SACS: variants seen among roughly 807,000 people sequenced by gnomAD.
SACS encodes the protein sacsin molecular chaperone, also known as sacsin.
Under a neutral mutation model 348.0 loss-of-function variants are expected in SACS, and 197 were observed. The ratio of observed to expected loss-of-function variants is 0.57; its 90% confidence interval spans 0.50 to 0.64. The LOEUF is 0.64. Among genes scored for constraint, SACS ranks in the 30% least tolerant of loss-of-function variants. SACS has a pLI of 0.00. For synonymous variants in SACS, 1,985 were observed against 1,910.6 expected (o/e 1.04, Z -1.02); for missense variants, 4,999 against 5,360.8 (o/e 0.93, Z 2.11).
At position 23,338,593 on chromosome 13, in the gene SACS, C is replaced by A. The variant is rs1432581348; in HGVS notation, c.5283G>T (p.Gln1761His). The change falls in exon 10 of 10, where the codon CAG (glutamine) becomes CAT (histidine). Residue 1761 changes from glutamine to histidine, a missense_variant. Gln to His is a conservative substitution (Grantham distance 24). Coordinates refer to ENST00000382292, the MANE Select transcript of SACS (RefSeq NM_014363.6). ...SDEPKSSCIL[Q>H]ITVEEFHHVF... Reference sequence around the variant, plus strand: ...CATGGTGAAATTCTTCCACTGTGATCTGAAGAATGCAAGATGACTTTGGTT... The same window carrying A: ...CATGGTGAAATTCTTCCACTGTGATATGAAGAATGCAAGATGACTTTGGTT... 1 of 1,613,990 alleles carries A rather than the reference C, an allele frequency of 6.2e-7. No individual in the cohort carries two copies. Among genetic ancestry groups the A allele is most frequent in the Non-Finnish European group, 8.5e-7 (1 of 1,180,006 alleles).
chr13:23,398,534 CAAA>C (rs59868515), intron 2 of SACS, among the ~76,000 whole-genome samples: 8 of 102,216 alleles, frequency 7.8e-5, no homozygotes, highest in Admixed American at 2.1e-4. Flanking sequence ...AACTCCGTCT[CAAA>C]AAAAAAAAAA....
At chr13:23,367,929 T>C (rs1871160539) in intron 5 of SACS, among the ~76,000 whole-genome samples, 1 of 152,206 alleles carries the variant, frequency 6.6e-6, no homozygotes, top group Non-Finnish European at 1.5e-5. Flanking sequence ...TAAAAAAACA[T>C]ATTACAAAAA....
At chr13:23,374,970 A>T in intron 3 of SACS, 149 bp downstream of exon 3, 1 of 714,056 alleles carries the variant, frequency 1.4e-6, no homozygotes, top group Non-Finnish European at 2.0e-6. Context: ...AAGTGATGAA[A>T]AGCCACAACT....
chr13:23,345,517 T>TA (rs1281701969), intron 9 of SACS, among the ~76,000 whole-genome samples: 13 of 152,172 alleles, frequency 8.5e-5, no homozygotes, highest in Non-Finnish European at 1.9e-4. Flanking sequence ...GCTTTCGTCT[T>TA]AAGAGAATCG....
Position 23,411,625 on chromosome 13 carries a change from C to A in SACS, c.-386G>T. On this transcript the variant is annotated 5_prime_UTR_variant, in exon 2 of 10. Transcript: ENST00000382292. ...TTGAAGGTTCTTGGGGAAAACGTCG[C>A]AGAAATTCTTGGATTTTGTTTCTCA... is the stretch of plus-strand genomic sequence containing the variant. 1 of 195,564 alleles carries A rather than the reference C, an allele frequency of 5.1e-6. No individual in the cohort carries two copies. The highest frequency in any genetic ancestry group is 1.0e-5 in the Non-Finnish European group (1 of 98,186). The allele number at this position is 195,564 out of a possible 1,614,324, so 12.1% of individuals were successfully genotyped here.
chr13:23,418,388 T>G (rs1324851889), intron 1 of SACS, among the ~76,000 whole-genome samples: 2 of 152,228 alleles, frequency 1.3e-5, no homozygotes, highest in African/African-American at 4.8e-5. Flanking sequence ...GAAGTGCTTT[T>G]TGTTCCTTAA....
At chr13:23,389,513 C>T (rs79103936) in intron 2 of SACS, among the ~76,000 whole-genome samples, 3,162 of 152,274 alleles carry the variant, frequency 0.021, 44 homozygotes, top group Non-Finnish European at 0.033. Flanking sequence ...TTTACATCCA[C>T]GTTACTAATT....
At chr13:23,433,486 T>C (rs1410453837) in intron 1 of SACS, 129 bp downstream of exon 1, 1 of 152,504 alleles carries the variant, frequency 6.6e-6, no homozygotes, top group Non-Finnish European at 1.5e-5. Context: ...CCCAAGCAGC[T>C]GCAGTGGCCG....
chr13:23,347,664 T>A (rs1869693916), intron 9 of SACS, among the ~76,000 whole-genome samples: 1 of 152,094 alleles, frequency 6.6e-6, no homozygotes. Flanking sequence ...AGAAGGCAAG[T>A]ATCAGATAAA....
chr13:23,413,130 A>G (rs1189472550), intron 1 of SACS, among the ~76,000 whole-genome samples: 2 of 152,184 alleles, frequency 1.3e-5, no homozygotes, highest in Non-Finnish European at 2.9e-5. Context: ...AGCAAGCACC[A>G]CCACGCCCAG....
At position 23,334,117 on chromosome 13, in the gene SACS, T is replaced by C. The variant is rs1883673090; in HGVS notation, c.9759A>G (p.Glu3253=). The C allele has an allele frequency of 6.2e-7, 1 of 1,613,854 alleles. No homozygotes were observed. Among genetic ancestry groups the C allele is most frequent in the Non-Finnish European group, 8.5e-7 (1 of 1,179,800 alleles). Residue 3253 remains glutamate (E), a synonymous_variant, in exon 10 of 10, where the codon GAA becomes GAG. Coordinates refer to ENST00000382292, the MANE Select transcript of SACS (RefSeq NM_014363.6). The part of the protein sequence containing the change: ...WLKNAWHFIS[E]SVSVKEDQEE... ...CCTGATCTTCTTTCACACTTACAGA[T>C]TCACTAATAAAATGCCATGCATTCT...
chr13:23,353,018 CA>C (rs1458898300), intron 9 of SACS, among the ~76,000 whole-genome samples: 1 of 134,734 alleles, frequency 7.4e-6, no homozygotes, highest in African/African-American at 4.0e-5. Flanking sequence ...ACAATGTGAA[CA>C]GCAGGACAAA....
intron 2 of SACS, among the ~76,000 whole-genome samples, chr13:23,400,760 C>T (rs1872940795): frequency 6.6e-6 from 1 of 152,300 alleles, no homozygotes; most frequent in South Asian, 2.1e-4. Context: ...TTGTTTCACA[C>T]CAACCTAACA....
chr13:23,377,450 T>C (rs1337080788), intron 2 of SACS, among the ~76,000 whole-genome samples: 1 of 152,168 alleles, frequency 6.6e-6, no homozygotes, highest in Non-Finnish European at 1.5e-5. Flanking sequence ...CTTCCTACAA[T>C]GTACTCAGTC....
rs968138431 is a variant in SACS, at chr13:23,375,131, G to A, written c.159C>T (p.Arg53=). ...GGCCACCGCCTACCTCGCGGCCGCC[G>A]CGCCACAGCCGCTGCTCCGACACCG... ...GFPVSEQRLW[R]GGRELSDWIK... The change falls in exon 3 of 10, where the codon CGC becomes CGT. Residue 53 remains arginine, a synonymous_variant. Transcript: ENST00000382292. The A allele has an allele frequency of 2.0e-6, 3 of 1,497,360 alleles. No homozygotes were observed. The highest frequency in any genetic ancestry group is 2.3e-5 in the Admixed American group (1 of 43,628). The allele number at this position is 1,497,360 out of a possible 1,614,324, so 92.8% of individuals were successfully genotyped here.
chr13:23,410,505 G>C (rs1405463675), intron 2 of SACS, among the ~76,000 whole-genome samples: 1 of 152,176 alleles, frequency 6.6e-6, no homozygotes, highest in Non-Finnish European at 1.5e-5. Context: ...CGTTTTATTT[G>C]TTGATATCTT....
chr13:23,408,585 T>C (rs1873334321), intron 2 of SACS, among the ~76,000 whole-genome samples: 2 of 152,238 alleles, frequency 1.3e-5, no homozygotes, highest in African/African-American at 4.8e-5. Context: ...TGTGTGTTAA[T>C]GCTGTGACTC....
Position 23,355,464 on chromosome 13 carries a change from C to T in SACS, c.1148G>A (p.Ser383Asn). Residue 383 changes from serine (S) to asparagine (N), a missense_variant, in exon 8 of 10, where the codon AGT (serine) becomes AAT (asparagine). Ser to Asn is a conservative substitution (Grantham distance 46, BLOSUM62 1). Transcript: ENST00000382292. The stretch of plus-strand genomic sequence containing the variant: ...AGATGTTTTCTGTGCATCCTTAGTA[C>T]TCTCCTCTTCTAAAACAATATTTAC... ...YHVNIVLEEESTKDAQKTSWL... is the reference protein window; with the variant it reads ...YHVNIVLEEENTKDAQKTSWL... The T allele has an allele frequency of 6.2e-7, 1 of 1,614,112 alleles. No homozygotes were observed. The highest frequency in any genetic ancestry group is 8.5e-7 in the Non-Finnish European group (1 of 1,179,978).
chr13:23,333,741 A>T lies in SACS; in HGVS notation c.10135T>A (p.Leu3379Ile), dbSNP rs768902435. The change falls in exon 10 of 10, where the codon TTA (leucine) becomes ATA (isoleucine). Residue 3379 changes from leucine (L) to isoleucine (I), a missense_variant. Leu to Ile is a conservative substitution (Grantham distance 5). Transcript: ENST00000382292. ...AGTGCCTCAAAATCATTTTCTACTAATTTTTCTGCTCTAAATGTTGAAGTT... is the reference window on the plus strand; with the variant it reads ...AGTGCCTCAAAATCATTTTCTACTATTTTTTCTGCTCTAAATGTTGAAGTT... ...VQTSTFRAEK[L>I]VENDFEALLM... 2.5e-6 allele frequency: 4 copies of T among 1,613,712 alleles called. No individual in the cohort carries two copies. Among genetic ancestry groups the T allele is most frequent in the Non-Finnish European group, 3.4e-6 (4 of 1,179,762 alleles).
Sources: gnomAD v4.1 joint callset for allele counts (sites outside exome capture counted in the v4.1 genomes callset) on GRCh38, gnomAD v4.1.1 for gene constraint, MANE v1.5 for transcripts, NCBI Gene and HGNC (gene_info 2026-07-23, HGNC 2026-07-21) for gene names.